NRAP: variants seen among roughly 807,000 people sequenced by gnomAD.
NRAP encodes the protein nebulin-related-anchoring protein.
A neutral mutation model predicts 225.9 loss-of-function variants in NRAP; 189 were observed. The observed-to-expected ratio is 0.84, with a 90% CI of 0.74 to 0.94. NRAP has a LOEUF of 0.94. Ranked by LOEUF, NRAP falls within the 40% of genes least tolerant of loss-of-function variation. The probability of loss-of-function intolerance (pLI) is 0.00; values close to 1 mark genes in which losing one functional copy is unlikely to be tolerated. For missense variants in NRAP, 2,176 were observed against 2,168.7 expected (o/e 1.00, Z -0.07); for synonymous variants, 769 against 790.7 (o/e 0.97, Z 0.46).
At chr10:113,663,292 G>T in intron 2 of NRAP, 60 bp downstream of exon 2, 19 of 981,928 alleles carry the variant, frequency 1.9e-5, no homozygotes, top group Non-Finnish European at 3.1e-5. Context: ...CGTTTAGTTG[G>T]CTCCTTGTTG....
chr10:113,614,956 A>C lies in NRAP; in HGVS notation c.3079-10T>G, dbSNP rs543122630. 60 of 1,505,420 alleles carry C rather than the reference A, an allele frequency of 4.0e-5. No homozygotes were observed. In the South Asian group the frequency reaches 5.9e-4, roughly 15 times the overall value. The allele number at this position is 1,505,420 out of a possible 1,614,324, so 93.3% of individuals were successfully genotyped here. On this transcript the variant is annotated splice_polypyrimidine_tract_variant and intron_variant, in intron 27 of 41. Transcript: ENST00000359988. The stretch of plus-strand genomic sequence containing the variant: ...ATTCCTTATAACGCGTCTGTCGGGA[A>C]GATGTGCACAAGGAAAGACCTTTAA...
intron 10 of NRAP, among the ~76,000 whole-genome samples, 179 bp from the exon 11 acceptor site, chr10:113,646,120 T>A (rs548372242): frequency 6.6e-6 from 1 of 152,344 alleles, no homozygotes; most frequent in Admixed American, 6.5e-5. Flanking sequence ...TGTCCTTTTT[T>A]GTTATTAAAA....
rs5788029 is a variant in NRAP, at chr10:113,595,412, G to GC, written c.4536+210dup. On this transcript the variant is annotated intron_variant, in intron 38 of 41. Transcript: ENST00000359988. ...CTGGAAAGAATCTCAGTTTAGCTCA[G>GC]CCCATTACCATTTTGCAGATAAAAA... Among the ~76,000 whole-genome samples the GC allele has an allele frequency of 0.65, 98,027 of 151,942 alleles. 32,152 individuals carry two copies. Among genetic ancestry groups the GC allele is most frequent in the East Asian group, 0.75 (3,885 of 5,156 alleles).
rs1848720978 is a variant in NRAP, at chr10:113,634,035, G to A, written c.1527+77C>T. ...CACAATTTATGAAAGTCAAATCCTT[G>A]GAGGTCAGATGTCCAGAGGCCTCAA... On this transcript the variant is annotated intron_variant, in intron 15 of 41. Transcript: ENST00000359988. 3 of 871,522 alleles carry A rather than the reference G, an allele frequency of 3.4e-6. No individual in the cohort carries two copies. The Admixed American group carries it at 5.6e-5, about 16-fold the overall frequency. The allele number at this position is 871,522 out of a possible 1,614,324, so 54.0% of individuals were successfully genotyped here.
At chr10:113,621,050 A>G (rs772385989) in intron 24 of NRAP, among the ~76,000 whole-genome samples, 26 of 152,168 alleles carry the variant, frequency 1.7e-4, no homozygotes, top group Non-Finnish European at 3.1e-4. Flanking sequence ...CTTGTTTAAA[A>G]TGACACACGG....
chr10:113,635,947 C>T (rs1848844512), intron 14 of NRAP, among the ~76,000 whole-genome samples: 1 of 152,164 alleles, frequency 6.6e-6, no homozygotes, highest in Admixed American at 6.5e-5. Flanking sequence ...CAGATGGGTC[C>T]TCACTCCCAG....
chr10:113,597,261 C>T (rs965992198), intron 36 of NRAP, 77 bp from the exon 37 acceptor site: 1 of 869,134 alleles, frequency 1.2e-6, no homozygotes, highest in Non-Finnish European at 2.0e-6. Context: ...TTCACTCCAC[C>T]TTCTCAGTAC....
At position 113,646,951 on chromosome 10, in the gene NRAP, G is replaced by A. The variant is rs760797787; in HGVS notation, c.965C>T (p.Ala322Val). 2 of 1,613,778 alleles carry A rather than the reference G, an allele frequency of 1.2e-6. No homozygotes were observed. Among genetic ancestry groups the A allele is most frequent in the African/African-American group, 2.7e-5 (2 of 74,884 alleles). The change falls in exon 10 of 42, where the codon GCC (alanine) becomes GTC (valine). Residue 322 changes from alanine (A) to valine (V), a missense_variant. Transcript: ENST00000359988. ...ACTAGCGAGTTCGTGAGCTTTCTTGGCGTTCTGATATGCTGGAGTGATCAT... is the reference window on the plus strand; with the variant it reads ...ACTAGCGAGTTCGTGAGCTTTCTTGACGTTCTGATATGCTGGAGTGATCAT... The part of the protein sequence containing the change: ...PAMITPAYQN[A>V]KKAHELASDI...
rs200799905 is a variant in NRAP at position 113,629,585 on chromosome 10, C to T, written c.2040+3G>A. On this transcript the variant is annotated splice_donor_region_variant and intron_variant, in intron 19 of 41. Coordinates refer to ENST00000359988, the MANE Select transcript of NRAP (RefSeq NM_198060.4). ...GAAGAGAACTGATAATGTGTGGGCT[C>T]ACCTCGCTCTGGAGCCCATAGGCCT... 5.0e-4 allele frequency: 801 copies of T among 1,597,726 alleles called. No homozygotes were observed. The highest frequency in any genetic ancestry group is 6.7e-4 in the Non-Finnish European group (775 of 1,165,368).
chr10:113,609,864 C>T (rs987184658), intron 31 of NRAP, among the ~76,000 whole-genome samples: 1 of 151,828 alleles, frequency 6.6e-6, no homozygotes, highest in African/African-American at 2.4e-5. Flanking sequence ...GAGAGAATAT[C>T]GCATGGGCCA....
chr10:113,625,497 T>C (rs959840231), intron 21 of NRAP, among the ~76,000 whole-genome samples: 1 of 152,212 alleles, frequency 6.6e-6, no homozygotes, highest in Non-Finnish European at 1.5e-5. Context: ...CTGAGTTATG[T>C]TGATAGTATC....
intron 3 of NRAP, 67 bp downstream of exon 3, chr10:113,662,612 G>A (rs1456871533): frequency 5.7e-6 from 5 of 876,818 alleles, no homozygotes; most frequent in Non-Finnish European, 9.7e-6. Context: ...TTATCTATTT[G>A]CATGTTTCTA....
rs543407840 is a variant in NRAP at position 113,597,015 on chromosome 10, T to C, written c.4431+71A>G. ...CACCCCCATCTGTCCAGAGCCTGTGTTCTTAGACCCGGACCACTGAGCAGC... is the reference window on the plus strand; with the variant it reads ...CACCCCCATCTGTCCAGAGCCTGTGCTCTTAGACCCGGACCACTGAGCAGC... On this transcript the variant is annotated intron_variant, in intron 37 of 41. Coordinates refer to ENST00000359988, the MANE Select transcript of NRAP (RefSeq NM_198060.4). 77 of 1,012,902 alleles carry C rather than the reference T, an allele frequency of 7.6e-5. 1 individual carries two copies. The East Asian group carries it at 1.6e-3, about 22-fold the overall frequency. 62.7% of individuals were successfully genotyped at this position (1,012,902 alleles called of 1,614,324 possible). A position where few individuals can be genotyped will look rare whatever the true frequency, so the allele number is the denominator to read the frequency against.
chr10:113,610,486 C>T lies in NRAP; in HGVS notation c.3576G>A (p.Arg1192=), dbSNP rs1414564592. 4 of 1,591,628 alleles carry T rather than the reference C, an allele frequency of 2.5e-6. No homozygotes were observed. Among genetic ancestry groups the T allele is most frequent in the African/African-American group, 2.7e-5 (2 of 74,634 alleles). ...VIPGTLEIEG[R]KKASELISES... ...CACTGATGAGTTCCGATGCTTTCTT[C>T]CTCCCTTCAATCTCTAACGTGCCTG... is the stretch of plus-strand genomic sequence containing the variant. Residue 1192 remains arginine (R), a synonymous_variant, in exon 31 of 42, where the codon AGG becomes AGA. Coordinates refer to ENST00000359988, the MANE Select transcript of NRAP (RefSeq NM_198060.4).
At chr10:113,644,568 G>T (rs1044550904) in intron 11 of NRAP, among the ~76,000 whole-genome samples, 4 of 152,216 alleles carry the variant, frequency 2.6e-5, no homozygotes, top group African/African-American at 9.6e-5. Flanking sequence ...AGGTTGTAGT[G>T]TGTTGACCTC....
In NRAP at chr10:113,653,003, C is replaced by T. The variant is rs373402154; in HGVS notation, c.502G>A (p.Gly168Arg). The T allele has an allele frequency of 3.7e-6, 6 of 1,612,728 alleles. No homozygotes were observed. The highest frequency in any genetic ancestry group is 1.3e-5 in the African/African-American group (1 of 74,830). ...TEDYEQPRGKGSFPAMITPAY... is the reference protein window; with the variant it reads ...TEDYEQPRGKRSFPAMITPAY... ...GGTGTGATCATGGCTGGAAAGCTCC[C>T]CTTGCCCCTGGGTTGCTCATAGTCT... The change falls in exon 6 of 42, where the codon GGG (glycine) becomes AGG (arginine). Residue 168 changes from glycine (G) to arginine (R), a missense_variant. This residue lies in a region of NRAP where 1,708 missense variants were observed against 1,695.5 expected (regional missense o/e 1.01). Transcript: ENST00000359988.
In NRAP at chr10:113,645,950, A is replaced by AAG. The variant is rs1849480349; in HGVS notation, c.994-10_994-9insCT. The AAG allele has an allele frequency of 2.1e-6, 3 of 1,432,892 alleles. No homozygotes were observed. Among genetic ancestry groups the AAG allele is most frequent in the Non-Finnish European group, 1.9e-6 (2 of 1,038,262 alleles). 88.8% of individuals were successfully genotyped at this position (1,432,892 alleles called of 1,614,324 possible). A position where few individuals can be genotyped will look rare whatever the true frequency, so the allele number is the denominator to read the frequency against. On this transcript the variant is annotated splice_polypyrimidine_tract_variant and intron_variant, in intron 10 of 41. Transcript: ENST00000359988. Reference sequence around the variant, plus strand: ...TCCTGCCTGTATTTTATCTGAAAAAAAAAACACAAAACGGGGCTGGAGTTG... The same window carrying AAG: ...TCCTGCCTGTATTTTATCTGAAAAAAAGAAAACACAAAACGGGGCTGGAGTTG...
At chr10:113,595,285 A>G (rs1296285481) in intron 38 of NRAP, among the ~76,000 whole-genome samples, 2 of 152,130 alleles carry the variant, frequency 1.3e-5, no homozygotes, top group Non-Finnish European at 2.9e-5. Flanking sequence ...AAACAAAAAG[A>G]GCAGGTGTCT....
chr10:113,620,574 G>C (rs759826361), intron 25 of NRAP, 30 bp downstream of exon 25: 1 of 1,349,266 alleles, frequency 7.4e-7, no homozygotes, highest in South Asian at 1.2e-5. Context: ...AATGCAGCCA[G>C]GCCTGTTACA....
Sources: allele counts gnomAD v4.1 joint callset (sites outside exome capture counted in the v4.1 genomes callset), GRCh38; gene constraint gnomAD v4.1.1; regional missense constraint gnomAD v4.1.1; transcripts MANE v1.5; gene names NCBI Gene and HGNC (gene_info 2026-07-23, HGNC 2026-07-21).